CAT: variants seen among roughly 807,000 people sequenced by gnomAD.
CAT encodes catalase.
A neutral mutation model predicts 59.0 loss-of-function variants in CAT; 43 were observed. The ratio of observed to expected loss-of-function variants is 0.73; its 90% CI spans 0.57 to 0.94. The LOEUF (loss-of-function observed/expected upper bound fraction) is 0.94. Ranked by LOEUF, CAT falls within the 40% of genes least tolerant of loss-of-function variation. The probability of loss-of-function intolerance (pLI) is 0.00; values close to 1 mark genes in which losing one functional copy is unlikely to be tolerated. For synonymous variants in CAT, 218 were observed against 230.9 expected (o/e 0.94, Z 0.51); for missense variants, 664 against 682.9 (o/e 0.97, Z 0.31).
At chr11:34,470,719 G>A (rs962261249) in intron 11 of CAT, 22 of 547,914 alleles carry the variant, frequency 4.0e-5, no homozygotes, top group African/African-American at 3.2e-4. Context: ...TTTCGGCAGA[G>A]GGACATAAGC....
At chr11:34,463,853 T>C (rs987707388) in intron 9 of CAT, among the ~76,000 whole-genome samples, 2 of 152,284 alleles carry the variant, frequency 1.3e-5, no homozygotes, top group African/African-American at 4.8e-5. Context: ...AAAAGGGACT[T>C]TGAGATTCAT....
rs774954021 is a variant in CAT at position 34,468,332 on chromosome 11, A to G, written c.1371A>G (p.Lys457=). 1.9e-6 allele frequency: 3 copies of G among 1,614,012 alleles called. No individual in the cohort carries two copies. The highest frequency in any genetic ancestry group is 3.3e-5 in the Admixed American group (2 of 59,986). The change falls in exon 11 of 13, where the codon AAA becomes AAG. Residue 457 remains lysine, a synonymous_variant. Transcript: ENST00000241052. ...YVNVLNEEQR[K]RLCENIAGHL... ...ACGTGCTGAATGAGGAACAGAGGAA[A>G]CGTCTGTGTGAGAACATTGCCGGCC...
intron 11 of CAT, among the ~76,000 whole-genome samples, chr11:34,469,133 G>C (rs1447370191): frequency 6.6e-6 from 1 of 152,158 alleles, no homozygotes; most frequent in Admixed American, 6.5e-5. Context: ...TTCCTGGCCT[G>C]TCCCAGAGCT....
chr11:34,464,544 T>G (rs544551205), intron 10 of CAT, among the ~76,000 whole-genome samples: 1 of 152,210 alleles, frequency 6.6e-6, no homozygotes, highest in African/African-American at 2.4e-5. Context: ...CATGTACAGC[T>G]TACGTGGAGA....
rs1856742643 is a variant in CAT at position 34,468,387 on chromosome 11, A to T, written c.1426A>T (p.Lys476Ter). 6.2e-7 allele frequency: 1 copy of T among 1,612,762 alleles called. No homozygotes were observed. The highest frequency in any genetic ancestry group is 1.1e-5 in the South Asian group (1 of 91,076). Residue 476 changes from lysine to a stop codon, truncating the protein, a stop_gained, in exon 11 of 13, where the codon AAG becomes TAG. Coordinates refer to ENST00000241052, the MANE Select transcript of CAT (RefSeq NM_001752.4). LOFTEE classifies it high-confidence loss of function. ...HLKDAQIFIQ[K>*]KAVKNFTEVH... ...GAAGGATGCACAAATTTTCATCCAG[A>T]AGAAAGCGGTGAGTCTTTGTAAGCT...
rs148918137 is a variant in CAT at position 34,449,265 on chromosome 11, G to T, written c.140G>T (p.Arg47Leu). 9.9e-6 allele frequency: 16 copies of T among 1,611,934 alleles called. No individual in the cohort carries two copies. The highest frequency in any genetic ancestry group is 2.2e-5 in the East Asian group (1 of 44,886). ...CTTAATGTTATTACAGTAGGGCCCCGTGGGCCCCTTCTTGTTCAGGATGTG... is the reference window on the plus strand; with the variant it reads ...CTTAATGTTATTACAGTAGGGCCCCTTGGGCCCCTTCTTGTTCAGGATGTG... ...DKLNVITVGP[R>L]GPLLVQDVVF... The change falls in exon 2 of 13, where the codon CGT (arginine) becomes CTT (leucine). Residue 47 changes from arginine to leucine, a missense_variant. Physicochemically the swap from Arg to Leu is moderately radical, Grantham distance 102. Coordinates refer to ENST00000241052, the MANE Select transcript of CAT (RefSeq NM_001752.4).
At chr11:34,439,783 G>T (rs1454657091) in intron 1 of CAT, among the ~76,000 whole-genome samples, 1 of 152,158 alleles carries the variant, frequency 6.6e-6, no homozygotes, top group East Asian at 1.9e-4. Context: ...CCCTTGAGAA[G>T]CTGAGAGTCT....
intron 2 of CAT, among the ~76,000 whole-genome samples, chr11:34,449,876 G>T (rs1419250851): frequency 6.6e-6 from 1 of 152,218 alleles, no homozygotes; most frequent in African/African-American, 2.4e-5. Flanking sequence ...GCTTATTCCA[G>T]TTCAAGGTGG....
chr11:34,446,742 C>CG (rs1856460406), intron 1 of CAT, among the ~76,000 whole-genome samples: 1 of 135,782 alleles, frequency 7.4e-6, no homozygotes. Context: ...ATGGGATGTC[C>CG]CCCCCTTTTT....
chr11:34,450,710 T>G (rs1465652737), intron 2 of CAT, among the ~76,000 whole-genome samples: 1 of 152,228 alleles, frequency 6.6e-6, no homozygotes, highest in Non-Finnish European at 1.5e-5. Flanking sequence ...TCTGAGACCC[T>G]GTGTCCTTGG....
At chr11:34,449,827 C>G (rs1856501623) in intron 2 of CAT, among the ~76,000 whole-genome samples, 1 of 152,148 alleles carries the variant, frequency 6.6e-6, no homozygotes, top group African/African-American at 2.4e-5. Flanking sequence ...CCATACATAC[C>G]TTTAAGAAAG....
In CAT at chr11:34,461,357, G is replaced by A; in HGVS notation, c.1163G>A (p.Arg388His). The change falls in exon 9 of 13, where the codon CGT (arginine) becomes CAT (histidine). Residue 388 changes from arginine to histidine, a missense_variant. Arg to His is a conservative substitution (Grantham distance 29). Transcript: ENST00000241052. The part of the protein sequence containing the change: ...PYRARVANYQ[R>H]DGPMCMQDNQ... ...CGTGCTCGAGTGGCCAACTACCAGC[G>A]TGACGGCCCGATGTGCATGCAGGAC... 3.7e-6 allele frequency: 6 copies of A among 1,614,178 alleles called. No homozygotes were observed. The highest frequency in any genetic ancestry group is 4.2e-6 in the Non-Finnish European group (5 of 1,180,024).
At chr11:34,446,001 C>T (rs1330750848) in intron 1 of CAT, among the ~76,000 whole-genome samples, 1 of 151,984 alleles carries the variant, frequency 6.6e-6, no homozygotes, top group Non-Finnish European at 1.5e-5. Context: ...GTTTTCTAGC[C>T]CCACCCTCTC....
intron 3 of CAT, among the ~76,000 whole-genome samples, chr11:34,451,446 A>G (rs1449308490): frequency 1.3e-5 from 2 of 152,184 alleles, no homozygotes; most frequent in Admixed American, 6.5e-5. Context: ...TTCTGTGCCA[A>G]CTGTGGTTAG....
At chr11:34,452,785 G>C (rs1322086709) in intron 4 of CAT, among the ~76,000 whole-genome samples, 1 of 151,754 alleles carries the variant, frequency 6.6e-6, no homozygotes, top group Non-Finnish European at 1.5e-5. Flanking sequence ...AGCCCAGGAG[G>C]TCAAAGCTGC....
intron 1 of CAT, among the ~76,000 whole-genome samples, chr11:34,443,384 A>G (rs1488998707): frequency 6.6e-6 from 1 of 152,262 alleles, no homozygotes; most frequent in East Asian, 1.9e-4. Context: ...GCATTGAGTC[A>G]GATGTGTTCA....
In CAT at chr11:34,453,804, T is replaced by TAAGAACA. The variant is rs1334290340; in HGVS notation, c.589_590insAAGAACA (p.Ser197Ter). On this transcript the variant is annotated stop_gained and frameshift_variant, in exon 6 of 13. Coordinates refer to ENST00000241052, the MANE Select transcript of CAT (RefSeq NM_001752.4). LOFTEE classifies it high-confidence loss of function. ...GCTTTATATTTCTGTTCTTTAGGTT[T>TAAGAACA]CTTTCTTGTTCAGTGATCGGGGGAT... 1.2e-6 allele frequency: 2 copies of TAAGAACA among 1,613,092 alleles called. No individual in the cohort carries two copies. Among genetic ancestry groups the TAAGAACA allele is most frequent in the South Asian group, 2.2e-5 (2 of 91,076 alleles).
intron 1 of CAT, among the ~76,000 whole-genome samples, chr11:34,440,557 C>A (rs1856376695): frequency 6.6e-6 from 1 of 151,048 alleles, no homozygotes; most frequent in Admixed American, 6.6e-5. Context: ...TTTTCTTTTT[C>A]TTTTCTTTTC....
At chr11:34,460,953 T>G (rs1856642676) in intron 8 of CAT, 1 of 425,660 alleles carries the variant, frequency 2.3e-6, no homozygotes, top group Non-Finnish European at 4.4e-6. Flanking sequence ...GAAGTAATAC[T>G]GTATAAGACA....
Sources: gnomAD v4.1 joint callset for allele counts (sites outside exome capture counted in the v4.1 genomes callset) on GRCh38, gnomAD v4.1.1 for gene constraint, MANE v1.5 for transcripts, NCBI Gene and HGNC (gene_info 2026-07-23, HGNC 2026-07-21) for gene names.